TTF2: variants seen among roughly 807,000 people sequenced by gnomAD.
TTF2 encodes transcription termination factor 2.
In TTF2, 108 loss-of-function variants were observed where a neutral mutation model predicts 142.4. The ratio of observed to expected loss-of-function variants is 0.76; its 90% confidence interval spans 0.65 to 0.89. The LOEUF is 0.89. Among genes scored for constraint, TTF2 ranks in the 40% least tolerant of loss-of-function variants. The pLI is 0.00. For missense variants in TTF2, 1,327 were observed against 1,379.8 expected (o/e 0.96, Z 0.61); for synonymous variants, 483 against 506.2 (o/e 0.95, Z 0.61).
chr1:117,060,777 C>T (rs1308443535), intron 2 of TTF2, among the ~76,000 whole-genome samples: 1 of 152,220 alleles, frequency 6.6e-6, no homozygotes, highest in African/African-American at 2.4e-5. Context: ...TTACCCCCCT[C>T]TCTGGGCCGA....
At position 117,103,463 on chromosome 1, in the gene TTF2, G is replaced by A. The variant is rs1649739048; in HGVS notation, c.*1939G>A. 1 of 152,194 alleles carries A rather than the reference G, an allele frequency of 6.6e-6. No individual in the cohort carries two copies. The highest frequency in any genetic ancestry group is 2.4e-5 in the African/African-American group (1 of 41,446). 9.4% of individuals were successfully genotyped at this position (152,194 alleles called of 1,614,324 possible). A position where few individuals can be genotyped will look rare whatever the true frequency, so the allele number is the denominator to read the frequency against. ...ACACAGAAACATTTCTGTCCCTTGA[G>A]TTGGGAAACAAGACCCTATGTTAAC... is the stretch of plus-strand genomic sequence containing the variant. On this transcript the variant is annotated 3_prime_UTR_variant, in exon 23 of 23. Transcript: ENST00000369466.
chr1:117,101,441 T>G lies in TTF2; in HGVS notation c.3406T>G (p.Leu1136Val). 1 of 1,611,240 alleles carries G rather than the reference T, an allele frequency of 6.2e-7. No individual in the cohort carries two copies. Among genetic ancestry groups the G allele is most frequent in the Non-Finnish European group, 8.5e-7 (1 of 1,179,472 alleles). The change falls in exon 23 of 23, where the codon TTG becomes GTG. Residue 1136 changes from leucine (L) to valine (V), a missense_variant. Leu to Val is a conservative substitution (Grantham distance 32, BLOSUM62 1). Transcript: ENST00000369466. This position sits in a 1 kb window ranked among gnomAD's most constrained non-coding sequence, Gnocchi z 5.9. ...ILQLQEKKKD[L>V]AKQVLSGSGE... is the part of the protein sequence containing the mutation. ...ACAGCTCCAAGAAAAAAAGAAAGATTTGGCCAAACAAGTTCTATCAGGGTC... is the reference window on the plus strand; with the variant it reads ...ACAGCTCCAAGAAAAAAAGAAAGATGTGGCCAAACAAGTTCTATCAGGGTC...
chr1:117,101,317 T>C lies in TTF2; in HGVS notation c.3345-63T>C. The C allele has an allele frequency of 6.9e-7, 1 of 1,451,648 alleles. No homozygotes were observed. Among genetic ancestry groups the C allele is most frequent in the African/African-American group, 1.4e-5 (1 of 70,558 alleles). 89.9% of individuals were successfully genotyped at this position (1,451,648 alleles called of 1,614,324 possible). On this transcript the variant is annotated intron_variant, in intron 22 of 22. Coordinates refer to ENST00000369466, the MANE Select transcript of TTF2 (RefSeq NM_003594.4). This position sits in a 1 kb window ranked among gnomAD's most constrained non-coding sequence, Gnocchi z 5.9. Reference sequence around the variant, plus strand: ...TGAAAGCATAATAAAAGTTTGAATATATTATTAGATGTGCTGCTTAGGGTT... The same window carrying C: ...TGAAAGCATAATAAAAGTTTGAATACATTATTAGATGTGCTGCTTAGGGTT...
In TTF2 at chr1:117,070,404, C is replaced by T. The variant is rs1656483429; in HGVS notation, c.219-3257C>T. The stretch of plus-strand genomic sequence containing the variant: ...TACTGAATACTGCAGGCATTTGTAA[C>T]ACAGTGCTAAGTATTTGTATATCTA... On this transcript the variant is annotated intron_variant, in intron 3 of 22. Coordinates refer to ENST00000369466, the MANE Select transcript of TTF2 (RefSeq NM_003594.4). This position sits in a 1 kb window ranked among gnomAD's most constrained non-coding sequence, Gnocchi z 4.2. Among the ~76,000 whole-genome samples the T allele has an allele frequency of 6.6e-6, 1 of 152,186 alleles. No homozygotes were observed. The highest frequency in any genetic ancestry group is 2.1e-4 in the South Asian group (1 of 4,830).
Position 117,074,909 on chromosome 1 carries a change from C to T in TTF2, c.325C>T (p.Gln109Ter). The T allele has an allele frequency of 1.9e-6, 3 of 1,610,084 alleles. No homozygotes were observed. Among genetic ancestry groups the T allele is most frequent in the Non-Finnish European group, 2.5e-6 (3 of 1,179,152 alleles). The change falls in exon 5 of 23, where the codon CAG becomes TAG. Residue 109 changes from glutamine (Q) to a stop codon, truncating the protein, a stop_gained. Transcript: ENST00000369466. LOFTEE classifies it high-confidence loss of function. ...SKEHSVSNKS[Q>*]HASETFHHSS... ...AGAACATTCTGTATCCAATAAGTCT[C>T]AGCATGCATCTGAGACATTTCATCA...
In TTF2 at chr1:117,078,007, T is replaced by G. The variant is rs1216977704; in HGVS notation, c.1665T>G (p.Gly555=). The change falls in exon 8 of 23, where the codon GGT becomes GGG. Residue 555 remains glycine (G), a synonymous_variant. Coordinates refer to ENST00000369466, the MANE Select transcript of TTF2 (RefSeq NM_003594.4). Reference sequence around the variant, plus strand: ...ATCGCTCACTTGAGTCATGTCCTGGTGAGACGGTTGTGGCAGAAGATCCCG... The same window carrying G: ...ATCGCTCACTTGAGTCATGTCCTGGGGAGACGGTTGTGGCAGAAGATCCCG... ...QLHRSLESCP[G]ETVVAEDPAG... is the part of the protein sequence containing the mutation. 1.2e-6 allele frequency: 2 copies of G among 1,614,024 alleles called. No individual in the cohort carries two copies. The highest frequency in any genetic ancestry group is 2.7e-5 in the African/African-American group (2 of 74,922).
At chr1:117,083,713 T>G (rs1463165366) in intron 10 of TTF2, among the ~76,000 whole-genome samples, 1 of 152,204 alleles carries the variant, frequency 6.6e-6, no homozygotes, top group African/African-American at 2.4e-5. Flanking sequence ...TAAAAGACCA[T>G]TTCTTCCATT....
rs1656979021 is a variant in TTF2 at position 117,075,990 on chromosome 1, C to T, written c.1275+131C>T. 6 of 1,380,908 alleles carry T rather than the reference C, an allele frequency of 4.3e-6. No homozygotes were observed. Among genetic ancestry groups the T allele is most frequent in the Non-Finnish European group, 5.8e-6 (6 of 1,036,850 alleles). 85.5% of individuals were successfully genotyped at this position (1,380,908 alleles called of 1,614,324 possible). A position where few individuals can be genotyped will look rare whatever the true frequency, so the allele number is the denominator to read the frequency against. On this transcript the variant is annotated intron_variant, in intron 5 of 22. Coordinates refer to ENST00000369466, the MANE Select transcript of TTF2 (RefSeq NM_003594.4). This position sits in a 1 kb window ranked among gnomAD's most constrained non-coding sequence, Gnocchi z 4.5. ...TTTATAGGTGCATGTTCAGTTTCTG[C>T]CTTTTCCCCTATTTATATTTTCAAG...
Position 117,060,332 on chromosome 1 carries a change from G to A in TTF2, c.-15G>A, listed in dbSNP as rs200495096. 8.5e-5 allele frequency: 136 copies of A among 1,595,550 alleles called. No individual in the cohort carries two copies. Among genetic ancestry groups the A allele is most frequent in the Non-Finnish European group, 1.0e-4 (121 of 1,171,368 alleles). ...TTGGGGGCGGGGCTTTGTGGAACTTGGGGGACCCAGCGAAATGGAAGAAGT... is the reference window on the plus strand; with the variant it reads ...TTGGGGGCGGGGCTTTGTGGAACTTAGGGGACCCAGCGAAATGGAAGAAGT... On this transcript the variant is annotated 5_prime_UTR_variant, in exon 1 of 23. Transcript: ENST00000369466.
Position 117,088,864 on chromosome 1 carries a change from G to A in TTF2, c.2224G>A (p.Val742Ile). 1.2e-6 allele frequency: 2 copies of A among 1,614,188 alleles called. No homozygotes were observed. The highest frequency in any genetic ancestry group is 1.7e-6 in the Non-Finnish European group (2 of 1,180,016). The change falls in exon 13 of 23, where the codon GTT (valine) becomes ATT (isoleucine). Residue 742 changes from valine (V) to isoleucine (I), a missense_variant. By Grantham distance (29) the Val-to-Ile change is conservative. Coordinates refer to ENST00000369466, the MANE Select transcript of TTF2 (RefSeq NM_003594.4). ...AATCATATTGGATGAAGCTCACAAT[G>A]TTAAGAATCCCCGAGTGCAGACTTC... ...ARIILDEAHN[V>I]KNPRVQTSIA...
rs1647429797 is a variant in TTF2 at position 117,080,723 on chromosome 1, T to C, written c.1783+1074T>C. Among the ~76,000 whole-genome samples the C allele has an allele frequency of 6.6e-6, 1 of 152,210 alleles. No homozygotes were observed. The highest frequency in any genetic ancestry group is 2.4e-5 in the African/African-American group (1 of 41,452). On this transcript the variant is annotated intron_variant, in intron 9 of 22. Transcript: ENST00000369466. The surrounding 1 kb of genome is among the most constrained non-coding windows in gnomAD (Gnocchi z 4.3). The stretch of plus-strand genomic sequence containing the variant: ...CACAGCATATGGTCATACTCACAGC[T>C]GTGATTTATTACAGTGAAAGGCTAT...
chr1:117,090,202 ACCTTTG>A lies in TTF2; in HGVS notation c.2491_2496del (p.Pro831_Leu832del). 1 of 1,613,802 alleles carries A rather than the reference ACCTTTG, an allele frequency of 6.2e-7. No individual in the cohort carries two copies. Among genetic ancestry groups the A allele is most frequent in the Non-Finnish European group, 8.5e-7 (1 of 1,179,864 alleles). On this transcript the variant is annotated inframe_deletion and splice_region_variant, in exon 14 of 23. Transcript: ENST00000369466. This position sits in a 1 kb window ranked among gnomAD's most constrained non-coding sequence, Gnocchi z 4.8. ...AAGACCAGCTGGACTCTACTGGCAG[ACCTTTG>A]GTAATCAAGTTTGTACCTGTCCCTG...
At chr1:117,095,403 T>G in intron 19 of TTF2, 36 bp downstream of exon 19, 1 of 1,601,142 alleles carries the variant, frequency 6.2e-7, no homozygotes, top group Non-Finnish European at 8.6e-7. Context: ...GTATTGGTCA[T>G]AATTATGTGA....
chr1:117,061,255 G>A (rs980139732), intron 2 of TTF2, among the ~76,000 whole-genome samples: 2 of 152,138 alleles, frequency 1.3e-5, no homozygotes, highest in Non-Finnish European at 2.9e-5. Context: ...GTCTAGGCAT[G>A]GTATCACACG....
In TTF2 at chr1:117,101,331, C is replaced by T; in HGVS notation, c.3345-49C>T. On this transcript the variant is annotated intron_variant, in intron 22 of 22. Coordinates refer to ENST00000369466, the MANE Select transcript of TTF2 (RefSeq NM_003594.4). The surrounding 1 kb of genome is among the most constrained non-coding windows in gnomAD (Gnocchi z 5.9). The stretch of plus-strand genomic sequence containing the variant: ...AAGTTTGAATATATTATTAGATGTG[C>T]TGCTTAGGGTTTTTGATAGTTTGCT... 2 of 1,508,348 alleles carry T rather than the reference C, an allele frequency of 1.3e-6. No individual in the cohort carries two copies. Among genetic ancestry groups the T allele is most frequent in the Non-Finnish European group, 8.8e-7 (1 of 1,132,022 alleles). 93.4% of individuals were successfully genotyped at this position (1,508,348 alleles called of 1,614,324 possible).
At chr1:117,081,502 A>G (rs1450482734) in intron 9 of TTF2, among the ~76,000 whole-genome samples, 2 of 152,224 alleles carry the variant, frequency 1.3e-5, no homozygotes, top group Non-Finnish European at 2.9e-5. Context: ...GAGGTAAGGG[A>G]TCATCAAACT....
At chr1:117,095,250 G>C (rs1473531085) in intron 18 of TTF2, 59 bp from the exon 19 acceptor site, 8 of 1,557,102 alleles carry the variant, frequency 5.1e-6, no homozygotes, top group Non-Finnish European at 7.1e-6. Flanking sequence ...TGGCAGGTGA[G>C]GGGAGATGGA....
In TTF2 at chr1:117,084,032, A is replaced by T; in HGVS notation, c.1918A>T (p.Thr640Ser). ...CCCTTCTCAAGACTCTTGTGACTTT[A>T]CTTCCCATGGAACACTAATCATCTG... ...WLSKDDSCDF[T>S]SHGTLIICPA... is the part of the protein sequence containing the mutation. The change falls in exon 11 of 23, where the codon ACT becomes TCT. Residue 640 changes from threonine to serine, a missense_variant. By Grantham distance (58) the Thr-to-Ser change is moderately conservative (BLOSUM62 1). Transcript: ENST00000369466. 6.2e-7 allele frequency: 1 copy of T among 1,614,192 alleles called. No individual in the cohort carries two copies.
intron 15 of TTF2, 32 bp from the exon 16 acceptor site, chr1:117,091,296 C>T (rs41276570): frequency 0.019 from 30,695 of 1,586,682 alleles, 352 homozygotes; most frequent in Middle Eastern, 0.038. Context: ...GACCATTATA[C>T]ATGCATTTTT....
Sources: gnomAD v4.1 joint callset for allele counts (sites outside exome capture counted in the v4.1 genomes callset) on GRCh38, gnomAD v4.1.1 for gene constraint, Gnocchi (gnomAD v3.1) non-coding constraint, MANE v1.5 for transcripts, NCBI Gene and HGNC (gene_info 2026-07-23, HGNC 2026-07-21) for gene names.